Variants in PAPPA observed in about 807,000 individuals in gnomAD.
The protein encoded by PAPPA is pappalysin 1.
PAPPA carries 60 observed loss-of-function variants against 164.0 expected under a neutral mutation model. The ratio of observed to expected loss-of-function variants is 0.37; its 90% CI spans 0.30 to 0.45. The LOEUF is 0.45. Ranked by LOEUF, PAPPA falls within the 20% of genes least tolerant of loss-of-function variation. The pLI, the probability that PAPPA is intolerant of heterozygous loss-of-function variation, is 1.00. For synonymous variants in PAPPA, 875 were observed against 814.1 expected (o/e 1.07, Z -1.27); for missense variants, 1,782 against 2,087.3 (o/e 0.85, Z 2.85).
At chr9:116,242,399 T>C (rs1844747164) in intron 7 of PAPPA, among the ~76,000 whole-genome samples, 1 of 152,206 alleles carries the variant, frequency 6.6e-6, no homozygotes, top group Admixed American at 6.5e-5. Flanking sequence ...ACAAGCATAC[T>C]GCATGTCAGA....
intron 9 of PAPPA, among the ~76,000 whole-genome samples, chr9:116,294,850 A>G (rs1845481842): frequency 6.6e-6 from 1 of 152,252 alleles, no homozygotes; most frequent in African/African-American, 2.4e-5. Flanking sequence ...AAAAGAGAAT[A>G]TCATAATGCC....
intron 13 of PAPPA, among the ~76,000 whole-genome samples, chr9:116,338,004 G>A (rs1459045732): frequency 6.6e-6 from 1 of 152,144 alleles, no homozygotes; most frequent in African/African-American, 2.4e-5. Context: ...GATAGTGATG[G>A]GGTGTGGGGT....
At chr9:116,311,966 T>C (rs891270883) in intron 10 of PAPPA, among the ~76,000 whole-genome samples, 5 of 152,194 alleles carry the variant, frequency 3.3e-5, no homozygotes, top group Admixed American at 6.5e-5. Flanking sequence ...ATAGCGAGTC[T>C]TCATTTTTCA....
At chr9:116,307,151 G>A (rs1845657124) in intron 10 of PAPPA, among the ~76,000 whole-genome samples, 2 of 152,160 alleles carry the variant, frequency 1.3e-5, no homozygotes, top group South Asian at 4.1e-4. Context: ...GCACTAGAAG[G>A]CAGGTGAGAC....
intron 7 of PAPPA, among the ~76,000 whole-genome samples, chr9:116,249,203 A>G (rs1053813654): frequency 3.3e-5 from 5 of 152,242 alleles, no homozygotes; most frequent in African/African-American, 4.8e-5. Flanking sequence ...AAAAGCTATT[A>G]TGTAAAGGGA....
intron 7 of PAPPA, among the ~76,000 whole-genome samples, chr9:116,244,913 C>A (rs1202940795): frequency 1.3e-5 from 2 of 152,240 alleles, no homozygotes; most frequent in African/African-American, 4.8e-5. Flanking sequence ...TCAACCTAAG[C>A]ATCCATCAAT....
chr9:116,270,931 T>C (rs572471568), intron 8 of PAPPA, among the ~76,000 whole-genome samples: 1 of 152,224 alleles, frequency 6.6e-6, no homozygotes, highest in African/African-American at 2.4e-5. Context: ...AATCTCTACA[T>C]TTTCCTTCAA....
chr9:116,338,242 C>A (rs1191560438), intron 13 of PAPPA, among the ~76,000 whole-genome samples: 1 of 152,188 alleles, frequency 6.6e-6, no homozygotes, highest in Non-Finnish European at 1.5e-5. Context: ...TTCTTCCTCT[C>A]ACTCTTTTTC....
chr9:116,341,691 C>T (rs937824997), intron 13 of PAPPA, among the ~76,000 whole-genome samples: 4 of 152,214 alleles, frequency 2.6e-5, no homozygotes, highest in East Asian at 1.9e-4. Flanking sequence ...TTATCCCCTC[C>T]GTCCACTATA....
At chr9:116,280,344 G>A (rs1320156722) in intron 9 of PAPPA, among the ~76,000 whole-genome samples, 1 of 152,150 alleles carries the variant, frequency 6.6e-6, no homozygotes, top group East Asian at 1.9e-4. Flanking sequence ...TTACATTGAG[G>A]GGGTCAAGGA....
chr9:116,289,121 C>CATAT (rs200604980), intron 9 of PAPPA, among the ~76,000 whole-genome samples: 5 of 17,888 alleles, frequency 2.8e-4, no homozygotes, highest in African/African-American at 1.0e-3. Context: ...TATGCATATA[C>CATAT]ATATATATAT....
intron 19 of PAPPA, among the ~76,000 whole-genome samples, chr9:116,376,360 T>C (rs533892360): frequency 1.3e-5 from 2 of 152,332 alleles, no homozygotes; most frequent in African/African-American, 4.8e-5. Context: ...CCTAATACTA[T>C]GTTATCTTTC....
intron 10 of PAPPA, among the ~76,000 whole-genome samples, chr9:116,308,762 G>C (rs1360482568): frequency 6.6e-6 from 1 of 152,162 alleles, no homozygotes; most frequent in East Asian, 1.9e-4. Context: ...TTTGCCTGCT[G>C]CTAAGATCTC....
chr9:116,289,368 G>GCCATATATATGCCATATATATA (rs1564212449), intron 9 of PAPPA, among the ~76,000 whole-genome samples: 4 of 99,766 alleles, frequency 4.0e-5, no homozygotes, highest in African/African-American at 7.7e-5. Flanking sequence ...GCATATATAT[G>GCCATATATATGCCATATATATA]GCATATATAT....
Position 116,227,559 on chromosome 9 carries a change from C to T in PAPPA, c.2233+7C>T. ...AGCCCTCGTGAAGCAGAAGGTAAGCCAGCCTTCTGGAAGCTCATTGACAGG... is the reference window on the plus strand; with the variant it reads ...AGCCCTCGTGAAGCAGAAGGTAAGCTAGCCTTCTGGAAGCTCATTGACAGG... On this transcript the variant is annotated splice_region_variant and intron_variant, in intron 6 of 21. Coordinates refer to ENST00000328252, the MANE Select transcript of PAPPA (RefSeq NM_002581.5). 6.2e-7 allele frequency: 1 copy of T among 1,613,720 alleles called. No individual in the cohort carries two copies. The highest frequency in any genetic ancestry group is 8.5e-7 in the Non-Finnish European group (1 of 1,179,852).
intron 17 of PAPPA, among the ~76,000 whole-genome samples, chr9:116,360,440 CAAAGGAGAGGCCTGG>C (rs1363089386): frequency 6.6e-6 from 1 of 152,152 alleles, no homozygotes; most frequent in East Asian, 1.9e-4. Context: ...CTTTTGCCGG[CAAAGGAGAGGCCTGG>C]AAAGGGGCCC....
intron 1 of PAPPA, among the ~76,000 whole-genome samples, chr9:116,175,062 C>G (rs1009761898): frequency 6.6e-6 from 1 of 152,182 alleles, no homozygotes; most frequent in African/African-American, 2.4e-5. Flanking sequence ...CGCCAACACA[C>G]AACTAAGTTG....
At chr9:116,217,230 T>A (rs1844385172) in intron 4 of PAPPA, among the ~76,000 whole-genome samples, 1 of 152,188 alleles carries the variant, frequency 6.6e-6, no homozygotes, top group Non-Finnish European at 1.5e-5. Flanking sequence ...AACCTACTGT[T>A]TTTCAGTGTC....
intron 2 of PAPPA, among the ~76,000 whole-genome samples, chr9:116,205,678 A>T (rs1011505143): frequency 6.6e-6 from 1 of 152,190 alleles, no homozygotes; most frequent in Non-Finnish European, 1.5e-5. Context: ...TATGATGGCG[A>T]TAAGTGATAA....
Sources: gnomAD v4.1 joint callset for allele counts (sites outside exome capture counted in the v4.1 genomes callset) on GRCh38, gnomAD v4.1.1 for gene constraint, MANE v1.5 for transcripts, NCBI Gene and HGNC (gene_info 2026-07-23, HGNC 2026-07-21) for gene names.